The following SIMC1 variants were observed in gnomAD, a reference collection of about 807,000 sequenced individuals.
SIMC1 encodes the protein SUMO-interacting motif-containing protein 1.
SIMC1 carries 55 observed loss-of-function variants against 82.3 expected under a neutral mutation model. The ratio of observed to expected loss-of-function variants is 0.67; its 90% CI spans 0.54 to 0.84. SIMC1 has a LOEUF of 0.84. SIMC1 is among the 40% of genes least tolerant of loss of function. The pLI is 0.00. For missense variants in SIMC1, 915 were observed against 1,107.2 expected, an observed-to-expected ratio of 0.83 and a Z score of 2.46; for synonymous variants, 353 against 426.3, an observed-to-expected ratio of 0.83 and a Z score of 2.12.
chr5:176,266,425 C>T (rs189269141), intron 1 of SIMC1, among the ~76,000 whole-genome samples: 5 of 152,254 alleles, frequency 3.3e-5, no homozygotes, highest in South Asian at 2.1e-4. Context: ...AGAGGACCCC[C>T]GCCCCTGCCT....
In SIMC1 at chr5:176,290,817, G is replaced by A. The variant is rs377753214; in HGVS notation, c.1293G>A (p.Gly431=). The change falls in exon 2 of 10, where the codon GGG becomes GGA. Residue 431 remains glycine (G), a synonymous_variant. Transcript: ENST00000429602. ...EISLSEPAKP[G]SAHVQSRTPQ... ...CACTGTCAGAGCCTGCCAAACCTGG[G>A]TCTGCCCACGTACAATCACGAACAC... 6.2e-7 allele frequency: 1 copy of A among 1,613,526 alleles called. No individual in the cohort carries two copies.
intron 1 of SIMC1, among the ~76,000 whole-genome samples, chr5:176,287,654 AT>A (rs10589810): frequency 7.2e-6 from 1 of 139,754 alleles, no homozygotes; most frequent in African/African-American, 3.3e-5. Flanking sequence ...TTAAAAATAA[AT>A]AAAAATAAAA....
At chr5:176,304,990 C>T in intron 4 of SIMC1, among the ~76,000 whole-genome samples, 1 of 134,258 alleles carries the variant, frequency 7.4e-6, no homozygotes, top group Non-Finnish European at 1.6e-5. Flanking sequence ...CTCCGCCCGG[C>T]AGCTGCCCCG....
chr5:176,277,586 A>G (rs140753856), intron 1 of SIMC1, among the ~76,000 whole-genome samples: 16,616 of 152,062 alleles, frequency 0.11, 1,057 homozygotes, highest in Admixed American at 0.15. Flanking sequence ...TTTTAGGTCT[A>G]ACGTTTAAGT....
rs746569008 is a variant in SIMC1, at chr5:176,324,717, A to G, written c.2131A>G (p.Met711Val). Reference protein sequence around the residue: ...TCSSNKIAEMMFGFVLDIPER... With the variant: ...TCSSNKIAEMVFGFVLDIPER... ...CAGCTCCAATAAAATTGCCGAGATG[A>G]TGTTTGGGTTTGTGCTGGACATTCC... The change falls in exon 7 of 10, where the codon ATG becomes GTG. Residue 711 changes from methionine to valine, a missense_variant. This residue lies in a region of SIMC1 where 902 missense variants were observed against 1,040.3 expected (regional missense o/e 0.87). Transcript: ENST00000429602. The G allele has an allele frequency of 1.2e-6, 2 of 1,602,410 alleles. No individual in the cohort carries two copies. Among genetic ancestry groups the G allele is most frequent in the Non-Finnish European group, 1.7e-6 (2 of 1,174,456 alleles).
At chr5:176,295,299 T>C in intron 3 of SIMC1, 37 bp downstream of exon 3, 1 of 1,570,302 alleles carries the variant, frequency 6.4e-7, no homozygotes, top group Non-Finnish European at 8.6e-7. Context: ...GCGAATCTTC[T>C]AGGGATCTTG....
In SIMC1 at chr5:176,308,555, G is replaced by A. The variant is rs1764527030; in HGVS notation, c.1735-5136G>A. The A allele has an allele frequency of 3.1e-6, 5 of 1,596,736 alleles. No individual in the cohort carries two copies. The South Asian group carries it at 4.4e-5, about 14-fold the overall frequency. On this transcript the variant is annotated intron_variant, in intron 4 of 9. Coordinates refer to ENST00000429602, the MANE Select transcript of SIMC1 (RefSeq NM_001308195.2). Reference sequence around the variant, plus strand: ...GTTTCATAGAAGATAAGAACACAAGGGCTGGCCGGGTACTCTACACTTGCT... The same window carrying A: ...GTTTCATAGAAGATAAGAACACAAGAGCTGGCCGGGTACTCTACACTTGCT...
At chr5:176,324,018 G>C (rs988155366) in intron 6 of SIMC1, among the ~76,000 whole-genome samples, 1 of 149,616 alleles carries the variant, frequency 6.7e-6, no homozygotes, top group African/African-American at 2.5e-5. Flanking sequence ...AAAAAAACAC[G>C]TGTTAGAAAA....
At chr5:176,250,893 A>G (rs190713038) in intron 1 of SIMC1, among the ~76,000 whole-genome samples, 1 of 152,166 alleles carries the variant, frequency 6.6e-6, no homozygotes, top group Admixed American at 6.5e-5. Flanking sequence ...CAGCACACCA[A>G]TGGGTCTTGA....
intron 7 of SIMC1, among the ~76,000 whole-genome samples, chr5:176,329,335 G>A (rs1765529766): frequency 6.6e-6 from 1 of 152,046 alleles, no homozygotes; most frequent in African/African-American, 2.4e-5. Context: ...GCCGGGTGCG[G>A]TGGCGGGCGC....
At chr5:176,272,718 A>T (rs1290005280) in intron 1 of SIMC1, among the ~76,000 whole-genome samples, 2 of 152,114 alleles carry the variant, frequency 1.3e-5, no homozygotes, top group African/African-American at 2.4e-5. Flanking sequence ...GCACCTGGAA[A>T]ATGGGGTCAC....
chr5:176,328,122 G>A (rs560636734), intron 7 of SIMC1, among the ~76,000 whole-genome samples: 5 of 152,178 alleles, frequency 3.3e-5, no homozygotes, highest in East Asian at 1.9e-4. Flanking sequence ...GGCTGGTCTC[G>A]AACTCCTGAC....
chr5:176,280,622 G>T lies in SIMC1; in HGVS notation c.130-9032G>T, dbSNP rs183632668. 2.6e-3 allele frequency among the ~76,000 whole-genome samples: 398 copies of T among 152,138 alleles called. 6 individuals carry two copies. Among genetic ancestry groups the T allele is most frequent in the African/African-American group, 8.6e-3 (356 of 41,476 alleles). ...TGCTTCCTTCAGGAGCTCTTGTACG[G>T]CAGGCCTGGTGGTGACAAAATCTCT... On this transcript the variant is annotated intron_variant, in intron 1 of 9. Coordinates refer to ENST00000429602, the MANE Select transcript of SIMC1 (RefSeq NM_001308195.2).
At chr5:176,258,254 A>G (rs1046037165) in intron 1 of SIMC1, among the ~76,000 whole-genome samples, 4 of 152,066 alleles carry the variant, frequency 2.6e-5, no homozygotes, top group African/African-American at 9.7e-5. Flanking sequence ...TACCATGTCA[A>G]GTGCTTTACT....
intron 2 of SIMC1, among the ~76,000 whole-genome samples, chr5:176,293,944 C>A (rs1444744500): frequency 6.6e-6 from 1 of 152,132 alleles, no homozygotes; most frequent in African/African-American, 2.4e-5. Context: ...CACATATTCT[C>A]TCGCAGTCTT....
chr5:176,320,265 T>C (rs2113363729), intron 5 of SIMC1, among the ~76,000 whole-genome samples: 1 of 152,308 alleles, frequency 6.6e-6, no homozygotes, highest in East Asian at 1.9e-4. Flanking sequence ...AGTTAACTTG[T>C]AGTCTGCAGG....
Position 176,264,845 on chromosome 5 carries a change from C to A in SIMC1, c.130-24809C>A, listed in dbSNP as rs111294823. On this transcript the variant is annotated intron_variant, in intron 1 of 9. Coordinates refer to ENST00000429602, the MANE Select transcript of SIMC1 (RefSeq NM_001308195.2). ...TTTTACTGCTCCTATTCAGATGTTG[C>A]TGGAAGCCTCAGCTGGTGCAATTAG... Among the ~76,000 whole-genome samples, 820 of 152,198 alleles carry A rather than the reference C, an allele frequency of 5.4e-3. 9 individuals carry two copies. Among genetic ancestry groups the A allele is most frequent in the African/African-American group, 0.019 (789 of 41,530 alleles).
intron 4 of SIMC1, among the ~76,000 whole-genome samples, chr5:176,304,633 TCTGC>T (rs1254013077): frequency 6.8e-6 from 1 of 146,410 alleles, no homozygotes; most frequent in Non-Finnish European, 1.5e-5. Flanking sequence ...GAGGAGTGTC[TCTGC>T]CTGGCCGCCC....
At chr5:176,295,811 G>A (rs765452432) in intron 3 of SIMC1, among the ~76,000 whole-genome samples, 6 of 152,202 alleles carry the variant, frequency 3.9e-5, no homozygotes, top group Non-Finnish European at 8.8e-5. Flanking sequence ...GTGGGAAAGA[G>A]TGTCTGCTTC....
Sources: allele counts gnomAD v4.1 joint callset (sites outside exome capture counted in the v4.1 genomes callset), GRCh38; gene constraint gnomAD v4.1.1; regional missense constraint gnomAD v4.1.1; transcripts MANE v1.5; gene names NCBI Gene and HGNC (gene_info 2026-07-23, HGNC 2026-07-21).